FBXO10: variants seen among roughly 807,000 people sequenced by gnomAD.
The protein encoded by FBXO10 is F-box only protein 10.
FBXO10 carries 39 observed loss-of-function variants against 80.7 expected under a neutral mutation model. That is an observed-to-expected ratio of 0.48 (90% CI 0.37 to 0.63). The LOEUF is 0.63. FBXO10 is among the 30% of genes least tolerant of loss of function. FBXO10 has a pLI of 0.00. For missense variants in FBXO10, 1,025 were observed against 1,269.0 expected (o/e 0.81, Z 2.92); for synonymous variants, 449 against 489.6 (o/e 0.92, Z 1.09).
At chr9:37,566,326 G>A (rs1194366654) in intron 1 of FBXO10, among the ~76,000 whole-genome samples, 1 of 152,116 alleles carries the variant, frequency 6.6e-6, no homozygotes, top group East Asian at 1.9e-4. Flanking sequence ...AGGCATAGTG[G>A]TGGGCACCTG....
chr9:37,521,800 G>C lies in FBXO10; in HGVS notation c.1969C>G (p.Leu657Val). 6.2e-7 allele frequency: 1 copy of C among 1,604,436 alleles called. No individual in the cohort carries two copies. The highest frequency in any genetic ancestry group is 1.1e-5 in the South Asian group (1 of 90,574). ...GCGVWMMSSS[L>V]PHVTSNHVSY... ...ACGTGGTTGCTGGTGACATGGGGGA[G>C]GCTGGACGACATCATCCACACACCA... Residue 657 changes from leucine to valine, a missense_variant, in exon 8 of 11, where the codon CTC becomes GTC. By Grantham distance (32) the Leu-to-Val change is conservative (BLOSUM62 1). Transcript: ENST00000432825.
At chr9:37,515,051 G>A (rs927019874) in intron 10 of FBXO10, 2 of 152,468 alleles carry the variant, frequency 1.3e-5, no homozygotes, top group Non-Finnish European at 2.9e-5. Context: ...CTCCAGAGTG[G>A]AGCAGGGGGT....
In FBXO10 at chr9:37,522,859, T is replaced by C. The variant is rs374192200; in HGVS notation, c.1896A>G (p.Glu632=). 1.5e-5 allele frequency: 23 copies of C among 1,553,774 alleles called. No homozygotes were observed. In the African/African-American group the frequency reaches 1.8e-4, roughly 12 times the overall value. Residue 632 remains glutamate, a synonymous_variant, in exon 7 of 11, where the codon GAA becomes GAG. Coordinates refer to ENST00000432825, the MANE Select transcript of FBXO10 (RefSeq NM_012166.3). The stretch of plus-strand genomic sequence containing the variant: ...TATTTCCTTCTATGAGGCCTTTGCC[T>C]TCGTCTCCCACAACCACACCATCTG... The part of the protein sequence containing the change: ...GYSDGVVVGD[E]GKGLIEGNTI...
rs962911308 is a variant in FBXO10 at position 37,521,858 on chromosome 9, T to C, written c.1931-20A>G. On this transcript the variant is annotated intron_variant, in intron 7 of 10. Transcript: ENST00000432825. The stretch of plus-strand genomic sequence containing the variant: ...TGTTAGCTGGGACAGTGAGAGGAGC[T>C]GGTCACCGACACTGAACTCAGGTGA... 1.3e-6 allele frequency: 2 copies of C among 1,550,092 alleles called. No homozygotes were observed. Among genetic ancestry groups the C allele is most frequent in the Non-Finnish European group, 1.7e-6 (2 of 1,150,968 alleles).
intron 8 of FBXO10, among the ~76,000 whole-genome samples, chr9:37,518,723 G>A (rs946437029): frequency 6.6e-6 from 1 of 152,116 alleles, no homozygotes; most frequent in Non-Finnish European, 1.5e-5. Flanking sequence ...AGCTCCCACC[G>A]TGTGCTTGAA....
intron 4 of FBXO10, among the ~76,000 whole-genome samples, chr9:37,530,706 T>C (rs1821598491): frequency 6.6e-6 from 1 of 152,156 alleles, no homozygotes; most frequent in Non-Finnish European, 1.5e-5. Context: ...ATGCCATAGT[T>C]ATGGCAGCCA....
Position 37,516,092 on chromosome 9 carries a change from G to A in FBXO10, c.2515-7C>T. On this transcript the variant is annotated splice_polypyrimidine_tract_variant and splice_region_variant and intron_variant, in intron 9 of 10. Transcript: ENST00000432825. ...GGATCCGGTTCTTTATTACCTGGGAGAGGCAGCCAGAGATTGTCACACCTC... is the reference window on the plus strand; with the variant it reads ...GGATCCGGTTCTTTATTACCTGGGAAAGGCAGCCAGAGATTGTCACACCTC... 1 of 1,608,010 alleles carries A rather than the reference G, an allele frequency of 6.2e-7. No homozygotes were observed. The highest frequency in any genetic ancestry group is 8.5e-7 in the Non-Finnish European group (1 of 1,177,596).
Position 37,529,184 on chromosome 9 carries a change from T to A in FBXO10, c.1646A>T (p.Gln549Leu), listed in dbSNP as rs1821553314. 1 of 1,613,892 alleles carries A rather than the reference T, an allele frequency of 6.2e-7. No homozygotes were observed. The highest frequency in any genetic ancestry group is 1.3e-5 in the African/African-American group (1 of 75,044). ...GNGKGIIRNN[Q>L]IFSNKEAGIY... ...GCCAGCCTCCTTATTGGAAAAGATT[T>A]GATTGTTCCGGATGATGCCTTTCCC... Residue 549 changes from glutamine (Q) to leucine (L), a missense_variant, in exon 5 of 11, where the codon CAA becomes CTA. This residue lies in a region of FBXO10 where 478 missense variants were observed against 667.8 expected (regional missense o/e 0.72). Transcript: ENST00000432825.
At chr9:37,536,354 T>C (rs1432342634) in intron 3 of FBXO10, among the ~76,000 whole-genome samples, 2 of 152,214 alleles carry the variant, frequency 1.3e-5, no homozygotes, top group Non-Finnish European at 2.9e-5. Context: ...TTCTTCTGCA[T>C]GGGCTGTCTT....
At chr9:37,561,020 T>C (rs1397081592) in intron 1 of FBXO10, among the ~76,000 whole-genome samples, 1 of 151,966 alleles carries the variant, frequency 6.6e-6, no homozygotes, top group Non-Finnish European at 1.5e-5. Context: ...TGGGCACCTG[T>C]AGTCCCAGCT....
chr9:37,541,446 C>A lies in FBXO10; in HGVS notation c.323G>T (p.Arg108Leu). The A allele has an allele frequency of 1.2e-6, 2 of 1,614,042 alleles. No homozygotes were observed. The highest frequency in any genetic ancestry group is 1.7e-6 in the Non-Finnish European group (2 of 1,179,898). ...ACGGCCTGGCCCAACACTCAGGGTACGTCGTTCCCTCCTCCGGCGGAATAG... is the reference window on the plus strand; with the variant it reads ...ACGGCCTGGCCCAACACTCAGGGTAAGTCGTTCCCTCCTCCGGCGGAATAG... Reference protein sequence around the residue: ...FSLFRRRRERRTLSVGPGREF... With the variant: ...FSLFRRRRERLTLSVGPGREF... The change falls in exon 2 of 11, where the codon CGT (arginine) becomes CTT (leucine). Residue 108 changes from arginine to leucine, a missense_variant. Physicochemically the swap from Arg to Leu is moderately radical, Grantham distance 102 (BLOSUM62 -2). Coordinates refer to ENST00000432825, the MANE Select transcript of FBXO10 (RefSeq NM_012166.3).
chr9:37,561,786 T>C (rs1359002405), intron 1 of FBXO10, among the ~76,000 whole-genome samples: 1 of 152,108 alleles, frequency 6.6e-6, no homozygotes, highest in African/African-American at 2.4e-5. Context: ...ATAAATGCTA[T>C]GAAGAGAAAT....
intron 4 of FBXO10, 33 bp from the exon 5 acceptor site, chr9:37,529,293 G>C (rs1170509542): frequency 6.3e-7 from 1 of 1,582,562 alleles, no homozygotes; most frequent in East Asian, 2.3e-5. Flanking sequence ...ACAGAAGCCA[G>C]ATCAGACACG....
intron 1 of FBXO10, among the ~76,000 whole-genome samples, chr9:37,572,811 T>C (rs1274807979): frequency 6.6e-6 from 1 of 152,236 alleles, no homozygotes; most frequent in Admixed American, 6.5e-5. Context: ...TTGTGTTTTT[T>C]ACCATGCATA....
chr9:37,528,994 G>T, intron 5 of FBXO10, 130 bp downstream of exon 5: 1 of 1,233,286 alleles, frequency 8.1e-7, no homozygotes, highest in Non-Finnish European at 1.1e-6. Flanking sequence ...TGTGTTACTG[G>T]GGTGGGATGA....
intron 2 of FBXO10, 33 bp downstream of exon 2, chr9:37,541,151 C>G (rs1380556112): frequency 2.6e-6 from 4 of 1,539,226 alleles, no homozygotes; most frequent in Admixed American, 4.2e-5. Flanking sequence ...GGGGTCAGAA[C>G]TAGAAAGGCC....
At chr9:37,565,260 T>C (rs916891355) in intron 1 of FBXO10, among the ~76,000 whole-genome samples, 5 of 152,140 alleles carry the variant, frequency 3.3e-5, no homozygotes, top group African/African-American at 1.2e-4. Context: ...TATAAATTAG[T>C]CTCAGATATT....
intron 4 of FBXO10, among the ~76,000 whole-genome samples, chr9:37,529,922 T>C (rs1821576143): frequency 6.6e-6 from 1 of 151,026 alleles, no homozygotes; most frequent in Non-Finnish European, 1.5e-5. Flanking sequence ...GATCCTCCCA[T>C]CTTGGCCTCC....
intron 1 of FBXO10, among the ~76,000 whole-genome samples, chr9:37,559,393 T>G (rs1381827273): frequency 1.3e-5 from 2 of 152,162 alleles, no homozygotes; most frequent in African/African-American, 4.8e-5. Flanking sequence ...CAAAGACCAA[T>G]CATTTCAAAG....
Sources: allele counts gnomAD v4.1 joint callset (sites outside exome capture counted in the v4.1 genomes callset), GRCh38; gene constraint gnomAD v4.1.1; regional missense constraint gnomAD v4.1.1; transcripts MANE v1.5; gene names NCBI Gene and HGNC (gene_info 2026-07-23, HGNC 2026-07-21).